FSCN2: variants seen among roughly 807,000 people sequenced by gnomAD.
FSCN2 encodes the protein fascin-2.
FSCN2 carries 46 observed loss-of-function variants against 37.8 expected under a neutral mutation model. The observed-to-expected ratio is 1.22, with a 90% CI of 0.96 to 1.56. The LOEUF (loss-of-function observed/expected upper bound fraction) is 1.56, where lower values mean the gene tolerates loss of function less well. Ranked by LOEUF, FSCN2 falls within the 40% of genes most tolerant of loss-of-function variation. The pLI is 0.00. For synonymous variants in FSCN2, 351 were observed against 309.4 expected (o/e 1.13, Z -1.41); for missense variants, 844 against 730.4 (o/e 1.16, Z -1.79).
intron 1 of FSCN2, among the ~76,000 whole-genome samples, chr17:81,534,174 A>C (rs1303928025): frequency 6.6e-6 from 1 of 152,112 alleles, no homozygotes; most frequent in Non-Finnish European, 1.5e-5. Flanking sequence ...TGGGGCTGGC[A>C]GAAGGCAAAA....
chr17:81,531,318 A>ATGGTGGTGATGGCGATGATGGTGG (rs781882828), intron 1 of FSCN2, among the ~76,000 whole-genome samples: 1 of 39,902 alleles, frequency 2.5e-5, no homozygotes, highest in Non-Finnish European at 5.5e-5. Context: ...GGTGGTGGTG[A>ATGGTGGTGATGGCGATGATGGTGG]TGATGGTGGT....
At chr17:81,529,447 A>G (rs2032477412) in intron 1 of FSCN2, 90 bp downstream of exon 1, 2 of 1,017,764 alleles carry the variant, frequency 2.0e-6, no homozygotes, top group South Asian at 2.8e-5. Context: ...GGGGAGTGGT[A>G]TCGTGTCTGT....
Position 81,537,048 on chromosome 17 carries a change from G to GGT in FSCN2, c.1447_1448insGT (p.Ala483GlyfsTer?), listed in dbSNP as rs2032911682. 1 of 1,469,544 alleles carries GGT rather than the reference G, an allele frequency of 6.8e-7. No individual in the cohort carries two copies. The highest frequency in any genetic ancestry group is 8.9e-7 in the Non-Finnish European group (1 of 1,117,682). 91.0% of individuals were successfully genotyped at this position (1,469,544 alleles called of 1,614,324 possible). A position where few individuals can be genotyped will look rare whatever the true frequency, so the allele number is the denominator to read the frequency against. ...GGGCCTGCTGCGGGCCGATGCCGAC[G>GGT]CCCCGGCCGGGACCGCGCTTTGGGA... On this transcript the variant is annotated frameshift_variant, in exon 5 of 5. Coordinates refer to ENST00000417245, the MANE Select transcript of FSCN2 (RefSeq NM_012418.4). LOFTEE classifies it high-confidence loss of function.
At chr17:81,532,149 ATGGTGATGATGATGGTGATGGTGGTGG>A (rs2143876625) in intron 1 of FSCN2, among the ~76,000 whole-genome samples, 1 of 121,552 alleles carries the variant, frequency 8.2e-6, no homozygotes, top group South Asian at 2.8e-4. Flanking sequence ...GATGATGGTG[ATGGTGATGATGATGGTGATGGTGGTGG>A]TGATGGTGGT....
chr17:81,516,757 C>T, the FSCN2 span, among the ~76,000 whole-genome samples: 2 of 152,342 alleles, frequency 1.3e-5, no homozygotes, highest in East Asian at 1.9e-4. Context: ...CAGCTGGCTG[C>T]CCCCCACCCC....
chr17:81,526,556 G>A (rs1242835296), upstream of FSCN2, among the ~76,000 whole-genome samples: 7 of 152,338 alleles, frequency 4.6e-5, no homozygotes, highest in Non-Finnish European at 7.3e-5. Flanking sequence ...GCTTGAGCTC[G>A]AAGGTTCCAG....
At chr17:81,527,292 CT>C (rs2032380587), upstream of FSCN2, 1 of 152,330 alleles carries the variant, frequency 6.6e-6, no homozygotes, top group African/African-American at 2.4e-5. Flanking sequence ...CCTGTGGCCC[CT>C]GTTCCCAGTC....
In FSCN2 at chr17:81,536,226, T is replaced by C. The variant is rs1186354030; in HGVS notation, c.1064T>C (p.Met355Thr). ...GCCAGCAACGGGCGCTACGTGTGCA[T>C]GAAGAAGAATGGGCAGCTGGCGGCT... ...LKASNGRYVC[M>T]KKNGQLAAIS... The change falls in exon 3 of 5, where the codon ATG (methionine) becomes ACG (threonine). Residue 355 changes from methionine to threonine, a missense_variant. Transcript: ENST00000417245. 7 of 1,601,612 alleles carry C rather than the reference T, an allele frequency of 4.4e-6. No individual in the cohort carries two copies. The highest frequency in any genetic ancestry group is 6.0e-6 in the Non-Finnish European group (7 of 1,174,860).
At chr17:81,529,534 C>G (rs371525290) in intron 1 of FSCN2, 177 bp downstream of exon 1, 112 of 770,212 alleles carry the variant, frequency 1.5e-4, no homozygotes, top group Non-Finnish European at 3.0e-5. Flanking sequence ...GGGTGGGCCT[C>G]GGGCCATGCC....
chr17:81,528,477 G>T lies in FSCN2; in HGVS notation c.-55G>T. ...GGGCTTCTGGGGGACCGCGGGGGCC[G>T]TGAGCACTCAGAGGGCGCATCCCAG... On this transcript the variant is annotated 5_prime_UTR_variant, in exon 1 of 5. Coordinates refer to ENST00000417245, the MANE Select transcript of FSCN2 (RefSeq NM_012418.4). The T allele has an allele frequency of 3.7e-6, 5 of 1,348,252 alleles. No individual in the cohort carries two copies. The highest frequency in any genetic ancestry group is 5.1e-6 in the Non-Finnish European group (5 of 972,364). 83.5% of individuals were successfully genotyped at this position (1,348,252 alleles called of 1,614,324 possible).
rs1276843298 is a variant in FSCN2 at position 81,531,512 on chromosome 17, G to A, written c.826+2155G>A. Among the ~76,000 whole-genome samples the A allele has an allele frequency of 2.2e-3, 295 of 133,792 alleles. 1 individual carries two copies. Among genetic ancestry groups the A allele is most frequent in the African/African-American group, 8.8e-3 (251 of 28,682 alleles). The allele number at this position is 133,792 out of a possible 152,430, so 87.8% of individuals were successfully genotyped here. A position where few individuals can be genotyped will look rare whatever the true frequency, so the allele number is the denominator to read the frequency against. On this transcript the variant is annotated intron_variant, in intron 1 of 4. Coordinates refer to ENST00000417245, the MANE Select transcript of FSCN2 (RefSeq NM_012418.4). The stretch of plus-strand genomic sequence containing the variant: ...TGATGGTGATGGTGATGGTGGTGAT[G>A]GTGATGGTGGTGATGGCGATGGTGG...
intron 1 of FSCN2, among the ~76,000 whole-genome samples, chr17:81,531,209 G>GATA (rs2032543295): frequency 3.0e-5 from 4 of 131,976 alleles, no homozygotes; most frequent in Non-Finnish European, 6.5e-5. Flanking sequence ...TGATGGTGGT[G>GATA]ATGGTGGTGA....
At chr17:81,527,291 C>T (rs1387701886), upstream of FSCN2, 1 of 152,320 alleles carries the variant, frequency 6.6e-6, no homozygotes, top group African/African-American at 2.4e-5. Context: ...GCCTGTGGCC[C>T]CTGTTCCCAG....
chr17:81,530,550 G>A (rs781929715), intron 1 of FSCN2: 14 of 493,234 alleles, frequency 2.8e-5, no homozygotes, highest in South Asian at 5.9e-5. Context: ...GGGGAGAGCC[G>A]GGTGCATGGA....
In FSCN2 at chr17:81,529,033, C is replaced by A; in HGVS notation, c.502C>A (p.Pro168Thr). 6.3e-7 allele frequency: 1 copy of A among 1,589,078 alleles called. No homozygotes were observed. The highest frequency in any genetic ancestry group is 8.5e-7 in the Non-Finnish European group (1 of 1,171,494). The change falls in exon 1 of 5, where the codon CCC becomes ACC. Residue 168 changes from proline to threonine, a missense_variant. Pro to Thr is a conservative substitution (Grantham distance 38, BLOSUM62 -1). Transcript: ENST00000417245. ...EDEMAADGDK[P>T]WGVDALLTLI... ...CGAGATGGCCGCAGACGGAGACAAG[C>A]CCTGGGGCGTGGACGCCCTCCTCAC...
chr17:81,533,220 G>A (rs565893740), intron 1 of FSCN2, among the ~76,000 whole-genome samples: 25 of 152,186 alleles, frequency 1.6e-4, no homozygotes, highest in Non-Finnish European at 3.2e-4. Context: ...TGAGCACCCA[G>A]GCTTGCATGT....
chr17:81,518,823 C>G, the FSCN2 span, among the ~76,000 whole-genome samples: 1 of 152,210 alleles, frequency 6.6e-6, no homozygotes. Flanking sequence ...TGGCGCCACG[C>G]GGAAAAGGGG....
chr17:81,533,642 A>G (rs1598578228), intron 1 of FSCN2, among the ~76,000 whole-genome samples: 1 of 152,164 alleles, frequency 6.6e-6, no homozygotes, highest in Non-Finnish European at 1.5e-5. Context: ...ACACTTCTTC[A>G]CACTCATTTG....
upstream of FSCN2, among the ~76,000 whole-genome samples, chr17:81,525,755 C>T (rs1167489049): frequency 3.9e-5 from 6 of 152,174 alleles, no homozygotes; most frequent in East Asian, 9.6e-4. Context: ...AATAACCAGA[C>T]TCCCGACATC....
Sources: gnomAD v4.1 joint callset for allele counts (sites outside exome capture counted in the v4.1 genomes callset) on GRCh38, gnomAD v4.1.1 for gene constraint, MANE v1.5 for transcripts, NCBI Gene and HGNC (gene_info 2026-07-23, HGNC 2026-07-21) for gene names.